The following BNC2 variants were observed in gnomAD, a reference collection of about 807,000 sequenced individuals.
BNC2 encodes zinc finger protein basonuclin-2.
In BNC2, 20 loss-of-function variants were observed where a neutral mutation model predicts 76.3. That is an observed-to-expected ratio of 0.26 (90% CI 0.18 to 0.38). BNC2 has a LOEUF of 0.38. Among genes scored for constraint, BNC2 ranks in the 10% least tolerant of loss-of-function variants. BNC2 has a pLI of 1.00. For missense variants in BNC2, 1,382 were observed against 1,399.8 expected, an observed-to-expected ratio of 0.99 and a Z score of 0.20; for synonymous variants, 582 against 514.8, an observed-to-expected ratio of 1.13 and a Z score of -1.77.
intron 3 of BNC2, among the ~76,000 whole-genome samples, chr9:16,655,628 C>T (rs1349027055): frequency 1.3e-5 from 2 of 152,268 alleles, no homozygotes; most frequent in East Asian, 1.9e-4. Flanking sequence ...TTTAAAAAAT[C>T]GAGTCTCTTT....
intron 3 of BNC2, among the ~76,000 whole-genome samples, chr9:16,598,781 T>G (rs1019426133): frequency 3.9e-5 from 6 of 152,152 alleles, no homozygotes; most frequent in African/African-American, 1.4e-4. Context: ...CATCACAGCT[T>G]AAGAGGCGGG....
At chr9:16,716,722 A>T (rs1824006263) in intron 3 of BNC2, among the ~76,000 whole-genome samples, 1 of 152,200 alleles carries the variant, frequency 6.6e-6, no homozygotes, top group African/African-American at 2.4e-5. Flanking sequence ...TATGCCAACT[A>T]ATTTGGATCA....
At chr9:16,551,677 T>C (rs955569233) in intron 5 of BNC2, among the ~76,000 whole-genome samples, 2 of 152,230 alleles carry the variant, frequency 1.3e-5, no homozygotes, top group African/African-American at 4.8e-5. Flanking sequence ...CTTTGGATCC[T>C]GGGATCTCCC....
intron 3 of BNC2, among the ~76,000 whole-genome samples, chr9:16,681,764 G>A (rs3850444): frequency 7.9e-5 from 12 of 152,056 alleles, no homozygotes; most frequent in African/African-American, 2.7e-4. Context: ...CAAATAAACC[G>A]CAGGGCTGAT....
chr9:16,691,528 GA>G (rs1823166118), intron 3 of BNC2, among the ~76,000 whole-genome samples: 4 of 53,080 alleles, frequency 7.5e-5, no homozygotes, highest in Admixed American at 3.7e-4. Context: ...TTTTTTTTTT[GA>G]AACAGAGTCT....
intron 4 of BNC2, among the ~76,000 whole-genome samples, chr9:16,555,747 T>C (rs1818810595): frequency 6.6e-6 from 1 of 151,978 alleles, no homozygotes. Flanking sequence ...CAGTGAGCCA[T>C]GATTGTATCA....
rs182117006 is a variant in BNC2, at chr9:16,809,182, G to A, written c.3+61464C>T. Among the ~76,000 whole-genome samples the A allele has an allele frequency of 4.0e-3, 609 of 152,220 alleles. 3 individuals are homozygous for A. Among genetic ancestry groups the A allele is most frequent in the African/African-American group, 0.012 (490 of 41,532 alleles). On this transcript the variant is annotated intron_variant, in intron 1 of 6. Coordinates refer to ENST00000380672, the MANE Select transcript of BNC2 (RefSeq NM_017637.6). ...GTCAGAACAAGGGCCTTGTCTCAGC[G>A]CTGCATGTGATGGGAGCTGCCGCTA...
chr9:16,710,135 A>G (rs1823794008), intron 3 of BNC2, among the ~76,000 whole-genome samples: 1 of 152,096 alleles, frequency 6.6e-6, no homozygotes, highest in South Asian at 2.1e-4. Context: ...AAAAAAAAAA[A>G]AGTTACTTCA....
At chr9:16,685,722 A>C (rs1822957765) in intron 3 of BNC2, 1 of 763,264 alleles carries the variant, frequency 1.3e-6, no homozygotes, top group African/African-American at 1.8e-5. Flanking sequence ...GGAAATCCCA[A>C]CTGCGGGTCT....
chr9:16,789,438 G>A (rs6475082), intron 1 of BNC2, among the ~76,000 whole-genome samples: 128,068 of 152,078 alleles, frequency 0.84, 54,721 homozygotes, highest in Non-Finnish European at 0.92. Flanking sequence ...GTTCCATGGC[G>A]TTCCTGATCT....
intron 1 of BNC2, among the ~76,000 whole-genome samples, chr9:16,787,504 T>C (rs1268193255): frequency 6.6e-6 from 1 of 152,190 alleles, no homozygotes; most frequent in East Asian, 1.9e-4. Flanking sequence ...TGTGCCTCAA[T>C]TTCCTCACTT....
chr9:16,805,167 A>G (rs1440495477), intron 1 of BNC2, among the ~76,000 whole-genome samples: 1 of 152,180 alleles, frequency 6.6e-6, no homozygotes, highest in Admixed American at 6.5e-5. Flanking sequence ...ATCCATGGAC[A>G]TAGTAGGGTT....
chr9:16,484,759 A>G (rs1044925332), intron 5 of BNC2, among the ~76,000 whole-genome samples: 3 of 152,316 alleles, frequency 2.0e-5, no homozygotes, highest in Admixed American at 1.3e-4. Flanking sequence ...GCCACGACCT[A>G]TATGTTCTCA....
intron 5 of BNC2, among the ~76,000 whole-genome samples, chr9:16,451,237 G>A (rs1821333880): frequency 6.6e-6 from 1 of 152,032 alleles, no homozygotes; most frequent in Non-Finnish European, 1.5e-5. Flanking sequence ...TGGTGAAATC[G>A]GTGCTGGTTA....
At chr9:16,460,099 T>C (rs2131214517) in intron 5 of BNC2, among the ~76,000 whole-genome samples, 1 of 152,256 alleles carries the variant, frequency 6.6e-6, no homozygotes, top group Admixed American at 6.5e-5. Flanking sequence ...TTGATAACAA[T>C]TATCAAAGTA....
intron 4 of BNC2, among the ~76,000 whole-genome samples, chr9:16,567,066 C>T (rs1318894428): frequency 6.6e-6 from 1 of 152,052 alleles, no homozygotes; most frequent in Non-Finnish European, 1.5e-5. Flanking sequence ...TTTATGGCTA[C>T]AAAACAAAGG....
At chr9:16,503,132 A>G (rs1427116095) in intron 5 of BNC2, among the ~76,000 whole-genome samples, 1 of 152,188 alleles carries the variant, frequency 6.6e-6, no homozygotes, top group Non-Finnish European at 1.5e-5. Flanking sequence ...GAAAAACAGA[A>G]AAGAATATAA....
chr9:16,642,257 CAG>C (rs1397650987), intron 3 of BNC2, among the ~76,000 whole-genome samples: 8 of 152,026 alleles, frequency 5.3e-5, no homozygotes, highest in Non-Finnish European at 1.5e-5. Context: ...AGAAAGAAAA[CAG>C]TATCTGTAAA....
At chr9:16,648,391 T>C (rs1199143961) in intron 3 of BNC2, among the ~76,000 whole-genome samples, 1 of 152,204 alleles carries the variant, frequency 6.6e-6, no homozygotes, top group Non-Finnish European at 1.5e-5. Flanking sequence ...AAATAAGGAC[T>C]GCATGGTGAT....
Sources: allele counts gnomAD v4.1 joint callset (sites outside exome capture counted in the v4.1 genomes callset), GRCh38; gene constraint gnomAD v4.1.1; transcripts MANE v1.5; gene names NCBI Gene and HGNC (gene_info 2026-07-23, HGNC 2026-07-21).